Variants in POLR1B observed in about 807,000 individuals in gnomAD.
The protein encoded by POLR1B is RNA polymerase I subunit B.
POLR1B carries 30 observed loss-of-function variants against 105.8 expected under a neutral mutation model. The ratio of observed to expected loss-of-function variants is 0.28; its 90% CI spans 0.21 to 0.38. POLR1B has a LOEUF of 0.38. Among genes scored for constraint, POLR1B ranks in the 10% least tolerant of loss-of-function variants. The pLI, the probability that POLR1B is intolerant of heterozygous loss-of-function variation, is 1.00. For missense variants in POLR1B, 976 were observed against 1,435.8 expected (o/e 0.68, Z 5.17); for synonymous variants, 485 against 505.1 (o/e 0.96, Z 0.53).
At chr2:112,561,928 T>C (rs923313486) in intron 9 of POLR1B, among the ~76,000 whole-genome samples, 1 of 152,094 alleles carries the variant, frequency 6.6e-6, no homozygotes, top group African/African-American at 2.4e-5. Flanking sequence ...TGCCTTGGCC[T>C]CCCAAAGTGC....
chr2:112,555,609 G>A (rs1016964642), intron 7 of POLR1B, among the ~76,000 whole-genome samples: 5 of 152,146 alleles, frequency 3.3e-5, no homozygotes, highest in Non-Finnish European at 5.9e-5. Context: ...CTGTGATCAC[G>A]CCAGTGCACT....
intron 3 of POLR1B, 64 bp from the exon 4 acceptor site, chr2:112,549,203 A>G: frequency 6.4e-7 from 1 of 1,569,648 alleles, no homozygotes; most frequent in Non-Finnish European, 8.8e-7. Context: ...GCTAGGAGTG[A>G]GGTTCATGTT....
intron 9 of POLR1B, 142 bp from the exon 10 acceptor site, chr2:112,564,224 G>T: frequency 1.0e-6 from 1 of 995,484 alleles, no homozygotes; most frequent in Non-Finnish European, 1.4e-6. Flanking sequence ...GCAGTTAAAA[G>T]AAATAATGCC....
chr2:112,559,666 T>A (rs148428909), intron 9 of POLR1B, 92 bp downstream of exon 9: 1 of 1,464,964 alleles, frequency 6.8e-7, no homozygotes, highest in Admixed American at 1.9e-5. Context: ...AGTGTTGCTA[T>A]GTCGCCCAGG....
chr2:112,575,025 A>G lies in POLR1B; in HGVS notation c.2704A>G (p.Met902Val), dbSNP rs1345817413. ...AAGCAGATTGTGGCCGGCTGAGGAC[A>G]TGCCTTTTACTGAGAGTGGGATGGT... The part of the protein sequence containing the change: ...ILSRLWPAED[M>V]PFTESGMVPD... The change falls in exon 15 of 15, where the codon ATG becomes GTG. Residue 902 changes from methionine to valine, a missense_variant. Physicochemically the swap from Met to Val is conservative, Grantham distance 21. Transcript: ENST00000263331. This position sits in a 1 kb window ranked among gnomAD's most constrained non-coding sequence, Gnocchi z 5.3. The G allele has an allele frequency of 2.5e-6, 4 of 1,614,204 alleles. No homozygotes were observed.
chr2:112,551,289 A>G (rs1683353273), intron 5 of POLR1B, among the ~76,000 whole-genome samples: 1 of 152,196 alleles, frequency 6.6e-6, no homozygotes, highest in South Asian at 2.1e-4. Flanking sequence ...AGGACTTCCA[A>G]GGTGGCTCAC....
intron 5 of POLR1B, among the ~76,000 whole-genome samples, 168 bp from the exon 6 acceptor site, chr2:112,551,607 G>T (rs1426513008): frequency 6.6e-6 from 1 of 152,154 alleles, no homozygotes; most frequent in African/African-American, 2.4e-5. Flanking sequence ...TGTGCTGTCT[G>T]GCTATCATAC....
chr2:112,542,308 G>T, upstream of POLR1B: 1 of 1,528,824 alleles, frequency 6.5e-7, no homozygotes, highest in Non-Finnish European at 8.8e-7. Context: ...CCGTTCACTC[G>T]ACGTTTTTGG....
chr2:112,566,520 T>C (rs1228470112), intron 10 of POLR1B, among the ~76,000 whole-genome samples: 2 of 152,356 alleles, frequency 1.3e-5, no homozygotes, highest in East Asian at 3.9e-4. Context: ...TTCTATTAGT[T>C]GTTCATTTAT....
intron 4 of POLR1B, among the ~76,000 whole-genome samples, chr2:112,550,173 G>A (rs62158587): frequency 0.026 from 3,972 of 152,000 alleles, 83 homozygotes; most frequent in Admixed American, 0.047. Context: ...TATGAAGATG[G>A]AAGCTAGTCT....
chr2:112,559,792 G>A (rs1574112971), intron 9 of POLR1B, among the ~76,000 whole-genome samples: 2 of 152,006 alleles, frequency 1.3e-5, no homozygotes. Context: ...CACCACACCC[G>A]GCTAATTTTT....
intron 10 of POLR1B, 82 bp downstream of exon 10, chr2:112,564,581 G>A (rs750018049): frequency 1.3e-6 from 2 of 1,578,522 alleles, no homozygotes; most frequent in Non-Finnish European, 1.7e-6. Flanking sequence ...TTAACCCCTG[G>A]GCGGTCTAGA....
rs1684988046 is a variant in POLR1B at position 112,579,155 on chromosome 2, C to T, written c.*3426C>T. 8.0e-6 allele frequency among the ~76,000 whole-genome samples: 1 copy of T among 125,446 alleles called. No individual in the cohort carries two copies. The highest frequency in any genetic ancestry group is 2.6e-4 in the South Asian group (1 of 3,868). 82.3% of individuals were successfully genotyped at this position (125,446 alleles called of 152,430 possible). Reference sequence around the variant, plus strand: ...CCCAGGAGGCAGAGGTTGCAGTGAGCCAAGATCACGCCACTGCACAGCAAC... The same window carrying T: ...CCCAGGAGGCAGAGGTTGCAGTGAGTCAAGATCACGCCACTGCACAGCAAC... On this transcript the variant is annotated 3_prime_UTR_variant, in exon 15 of 15. Coordinates refer to ENST00000263331, the MANE Select transcript of POLR1B (RefSeq NM_019014.6).
intron 7 of POLR1B, among the ~76,000 whole-genome samples, chr2:112,557,303 A>G (rs1683713163): frequency 6.6e-6 from 1 of 152,236 alleles, no homozygotes; most frequent in African/African-American, 2.4e-5. Flanking sequence ...TCATTCCTCC[A>G]GTCTAGCTGT....
intron 12 of POLR1B, among the ~76,000 whole-genome samples, chr2:112,569,982 CT>C (rs747753913): frequency 8.6e-5 from 13 of 151,678 alleles, no homozygotes; most frequent in Non-Finnish European, 1.6e-4. Flanking sequence ...ATATTTAAAC[CT>C]TTTGATATTG....
chr2:112,550,097 C>T (rs564160368), intron 4 of POLR1B, among the ~76,000 whole-genome samples: 46 of 151,088 alleles, frequency 3.0e-4, no homozygotes, highest in African/African-American at 1.1e-3. Context: ...TGGGTCTTGG[C>T]TGTCTTCTGG....
chr2:112,547,293 T>G, intron 2 of POLR1B, 114 bp downstream of exon 2: 2 of 1,484,528 alleles, frequency 1.3e-6, no homozygotes, highest in East Asian at 4.6e-5. Flanking sequence ...GTCTAAGAGA[T>G]CCCACCTTCT....
In POLR1B at chr2:112,567,948, CTGTTTT is replaced by C; in HGVS notation, c.1747-14_1747-9del. 6.2e-7 allele frequency: 1 copy of C among 1,611,222 alleles called. No homozygotes were observed. Among genetic ancestry groups the C allele is most frequent in the Non-Finnish European group, 8.5e-7 (1 of 1,177,798 alleles). On this transcript the variant is annotated splice_polypyrimidine_tract_variant and intron_variant, in intron 10 of 14. Coordinates refer to ENST00000263331, the MANE Select transcript of POLR1B (RefSeq NM_019014.6). ...GGCCTTGGGACAGGTTTGTTAAACT[CTGTTTT>C]TGTTAAAAACAGGTGTTGAGAGAGA...
At chr2:112,562,949 G>A (rs906527296) in intron 9 of POLR1B, among the ~76,000 whole-genome samples, 15 of 151,454 alleles carry the variant, frequency 9.9e-5, no homozygotes, top group African/African-American at 3.6e-4. Flanking sequence ...GGTTGGTGTC[G>A]AACTCTCGAC....
Sources: gnomAD v4.1 joint callset for allele counts (sites outside exome capture counted in the v4.1 genomes callset) on GRCh38, gnomAD v4.1.1 for gene constraint, Gnocchi (gnomAD v3.1) non-coding constraint, MANE v1.5 for transcripts, NCBI Gene and HGNC (gene_info 2026-07-23, HGNC 2026-07-21) for gene names.